AGBL4: variants seen among roughly 807,000 people sequenced by gnomAD.
AGBL4 encodes the protein cytosolic carboxypeptidase 6.
Under a neutral mutation model 66.4 loss-of-function variants are expected in AGBL4, and 58 were observed. The ratio of observed to expected loss-of-function variants is 0.87; its 90% confidence interval spans 0.71 to 1.09. The LOEUF is 1.09. Among genes scored for constraint, AGBL4 ranks in the 50% least tolerant of loss-of-function variants. The pLI is 0.00. For missense variants in AGBL4, 579 were observed against 631.0 expected (o/e 0.92, Z 0.88); for synonymous variants, 234 against 222.9 (o/e 1.05, Z -0.44).
chr1:49,869,973 C>T (rs61013755), intron 1 of AGBL4, among the ~76,000 whole-genome samples: 2,766 of 152,126 alleles, frequency 0.018, 80 homozygotes, highest in African/African-American at 0.063. Context: ...ATGTTCCCAA[C>T]ATAATAAATG....
At chr1:49,156,277 T>C (rs140303635) in intron 4 of AGBL4, among the ~76,000 whole-genome samples, 3 of 152,262 alleles carry the variant, frequency 2.0e-5, no homozygotes, top group Non-Finnish European at 4.4e-5. Context: ...ACACAAGAGA[T>C]GAGTCAAAGC....
At chr1:48,608,641 AAGTTAGAAACACATAACAG>A (rs1390746806) in intron 9 of AGBL4, among the ~76,000 whole-genome samples, 10 of 152,192 alleles carry the variant, frequency 6.6e-5, no homozygotes, top group East Asian at 3.8e-4. Context: ...TATAAGCAGT[AAGTTAGAAACACATAACAG>A]AGTTAGAAAC....
chr1:48,534,349 G>A (rs1025740966), intron 13 of AGBL4, 56 bp from the exon 14 acceptor site: 25 of 1,499,772 alleles, frequency 1.7e-5, no homozygotes, highest in Admixed American at 4.5e-5. Context: ...ACACTGTGAT[G>A]AAATCATTTG....
At chr1:48,606,202 T>C (rs1645151696) in intron 9 of AGBL4, among the ~76,000 whole-genome samples, 1 of 151,954 alleles carries the variant, frequency 6.6e-6, no homozygotes, top group Non-Finnish European at 1.5e-5. Context: ...GCTTTTTTTT[T>C]TTCCTTCTCT....
chr1:49,207,120 A>G (rs1221335830), intron 4 of AGBL4, among the ~76,000 whole-genome samples: 20 of 152,088 alleles, frequency 1.3e-4, no homozygotes, highest in Admixed American at 1.2e-3. Flanking sequence ...TTAAAAAAAG[A>G]CTATTTAGAA....
chr1:48,759,126 T>C (rs756520704), intron 6 of AGBL4: 1 of 1,613,746 alleles, frequency 6.2e-7, no homozygotes, highest in Non-Finnish European at 8.5e-7. Context: ...CAGCATCTTC[T>C]AGACTGTCCA....
At chr1:49,714,605 C>CACAT (rs1558185838) in intron 2 of AGBL4, among the ~76,000 whole-genome samples, 1 of 143,778 alleles carries the variant, frequency 7.0e-6, no homozygotes, top group African/African-American at 2.8e-5. Flanking sequence ...CACACACACA[C>CACAT]ATATATATAT....
intron 7 of AGBL4, among the ~76,000 whole-genome samples, chr1:48,654,274 C>T (rs1557857399): frequency 1.3e-5 from 2 of 152,150 alleles, no homozygotes; most frequent in African/African-American, 2.4e-5. Flanking sequence ...GAAATGAGCC[C>T]TCATCGCTGA....
chr1:50,023,523 T>G (rs1662601763), intron 1 of AGBL4, among the ~76,000 whole-genome samples: 1 of 152,164 alleles, frequency 6.6e-6, no homozygotes, highest in African/African-American at 2.4e-5. Context: ...CGGGCCCATG[T>G]TCTGTCAGAA....
chr1:48,928,633 G>A (rs532302338), intron 5 of AGBL4, among the ~76,000 whole-genome samples: 13 of 152,164 alleles, frequency 8.5e-5, no homozygotes, highest in Admixed American at 2.0e-4. Context: ...CACAAATTCT[G>A]GCTCCATTTA....
At chr1:48,623,581 C>G (rs1645450891) in intron 9 of AGBL4, among the ~76,000 whole-genome samples, 2 of 152,264 alleles carry the variant, frequency 1.3e-5, no homozygotes, top group East Asian at 1.9e-4. Flanking sequence ...AGGCCGATTT[C>G]TGAAGTGCAA....
intron 3 of AGBL4, among the ~76,000 whole-genome samples, chr1:49,632,220 G>A (rs1451872164): frequency 6.6e-6 from 1 of 152,130 alleles, no homozygotes; most frequent in Admixed American, 6.5e-5. Context: ...GAGGGAGTCT[G>A]GGAATATGGT....
intron 3 of AGBL4, among the ~76,000 whole-genome samples, chr1:49,325,602 C>A (rs1645214127): frequency 6.6e-6 from 1 of 152,180 alleles, no homozygotes; most frequent in Non-Finnish European, 1.5e-5. Flanking sequence ...TTATGAAGGA[C>A]ATTTAATAAC....
chr1:49,757,456 G>A (rs187703662), intron 2 of AGBL4, among the ~76,000 whole-genome samples: 110 of 152,310 alleles, frequency 7.2e-4, no homozygotes, highest in African/African-American at 2.6e-3. Context: ...AGACAGAAAA[G>A]CGTGGGAAAG....
intron 2 of AGBL4, among the ~76,000 whole-genome samples, chr1:49,726,208 GA>G (rs1207772285): frequency 6.6e-6 from 1 of 152,016 alleles, no homozygotes; most frequent in Non-Finnish European, 1.5e-5. Context: ...TAGGCAAAGG[GA>G]AAAAATGTGT....
intron 3 of AGBL4, among the ~76,000 whole-genome samples, chr1:49,319,678 T>C (rs1180565958): frequency 6.6e-6 from 1 of 152,162 alleles, no homozygotes; most frequent in African/African-American, 2.4e-5. Context: ...CTGCTATAAA[T>C]ATACCTGAGA....
intron 3 of AGBL4, among the ~76,000 whole-genome samples, chr1:49,454,456 T>C (rs1444051830): frequency 6.6e-6 from 1 of 151,624 alleles, no homozygotes; most frequent in African/African-American, 2.4e-5. Flanking sequence ...ACAGAGGAGA[T>C]TCTATGTGGT....
intron 3 of AGBL4, among the ~76,000 whole-genome samples, chr1:49,519,424 A>G (rs1650082253): frequency 6.6e-6 from 1 of 152,150 alleles, no homozygotes; most frequent in African/African-American, 2.4e-5. Context: ...ACTTACTTAA[A>G]TAAATGATGT....
chr1:49,995,429 CCT>C (rs1157666116), intron 1 of AGBL4: 2 of 384,162 alleles, frequency 5.2e-6, no homozygotes, highest in Admixed American at 3.0e-5. Context: ...CCATAATCCC[CCT>C]GAGAACACAA....
Sources: allele counts gnomAD v4.1 joint callset (sites outside exome capture counted in the v4.1 genomes callset), GRCh38; gene constraint gnomAD v4.1.1; transcripts MANE v1.5; gene names NCBI Gene and HGNC (gene_info 2026-07-23, HGNC 2026-07-21).